Variants in NALCN observed in about 807,000 individuals in gnomAD.
NALCN encodes sodium leak channel, non-selective, also known as sodium leak channel NALCN.
NALCN carries 111 observed loss-of-function variants against 225.3 expected under a neutral mutation model. That is an observed-to-expected ratio of 0.49 (90% CI 0.42 to 0.58). The LOEUF (loss-of-function observed/expected upper bound fraction) is 0.58. Among genes scored for constraint, NALCN ranks in the 20% least tolerant of loss-of-function variants. The pLI, the probability that NALCN is intolerant of heterozygous loss-of-function variation, is 0.00. For missense variants in NALCN, 1,378 were observed against 2,202.4 expected (o/e 0.63, Z 7.49); for synonymous variants, 764 against 769.0 (o/e 0.99, Z 0.11).
At chr13:101,314,704 A>G (rs1395851998) in intron 7 of NALCN, among the ~76,000 whole-genome samples, 1 of 152,238 alleles carries the variant, frequency 6.6e-6, no homozygotes, top group Non-Finnish European at 1.5e-5. Context: ...AATGCAAATT[A>G]TACTGAACAA....
At chr13:101,393,989 T>G (rs2047214856) in intron 3 of NALCN, among the ~76,000 whole-genome samples, 1 of 152,206 alleles carries the variant, frequency 6.6e-6, no homozygotes, top group South Asian at 2.1e-4. Context: ...ATATGTAAAA[T>G]ATTATTATAT....
chr13:101,167,418 A>G (rs2038491088), intron 15 of NALCN, among the ~76,000 whole-genome samples: 1 of 152,218 alleles, frequency 6.6e-6, no homozygotes, highest in East Asian at 1.9e-4. Context: ...AGTTGAAAAT[A>G]CTGTAAAAGT....
In NALCN at chr13:101,303,380, C is replaced by T. The variant is rs370505215; in HGVS notation, c.800-11014G>A. 2.4e-4 allele frequency among the ~76,000 whole-genome samples: 36 copies of T among 152,088 alleles called. 1 individual carries two copies. The highest frequency in any genetic ancestry group is 7.2e-4 in the African/African-American group (30 of 41,480). On this transcript the variant is annotated intron_variant, in intron 7 of 43. Transcript: ENST00000251127. ...CACTAACAGCACAGGATGAAAAGGCCGTCATTAGCACAGAGAGAGGCTGAA... is the reference window on the plus strand; with the variant it reads ...CACTAACAGCACAGGATGAAAAGGCTGTCATTAGCACAGAGAGAGGCTGAA...
At chr13:101,293,442 AATAAAT>A (rs2043622489) in intron 7 of NALCN, among the ~76,000 whole-genome samples, 1 of 152,220 alleles carries the variant, frequency 6.6e-6, no homozygotes, top group African/African-American at 2.4e-5. Context: ...TTGTTTATAA[AATAAAT>A]ATAAGTTGTT....
chr13:101,166,976 T>A (rs1043325670), intron 15 of NALCN, among the ~76,000 whole-genome samples: 1 of 152,208 alleles, frequency 6.6e-6, no homozygotes, highest in Non-Finnish European at 1.5e-5. Context: ...GAGACTGTCC[T>A]TTCCCCATAG....
intron 7 of NALCN, among the ~76,000 whole-genome samples, chr13:101,294,904 G>A (rs994570800): frequency 2.6e-5 from 4 of 152,136 alleles, no homozygotes; most frequent in African/African-American, 9.7e-5. Flanking sequence ...AGTAACAGTT[G>A]CAGCAAAAGC....
intron 7 of NALCN, among the ~76,000 whole-genome samples, chr13:101,300,329 T>C (rs1275940745): frequency 1.3e-5 from 2 of 151,622 alleles, no homozygotes; most frequent in Non-Finnish European, 2.9e-5. Context: ...CTTCTTTTCC[T>C]TCCTTCCTTC....
chr13:101,067,873 A>G, intron 39 of NALCN, 45 bp downstream of exon 39: 1 of 1,289,100 alleles, frequency 7.8e-7, no homozygotes, highest in Non-Finnish European at 1.1e-6. Context: ...ACATGTTGAT[A>G]AGTCTCTTTG....
At chr13:101,123,455 G>A (rs1440045916) in intron 18 of NALCN, among the ~76,000 whole-genome samples, 2 of 152,214 alleles carry the variant, frequency 1.3e-5, no homozygotes, top group Non-Finnish European at 2.9e-5. Context: ...CAGCCTCACT[G>A]CATGATCTGA....
At chr13:101,413,195 T>A (rs2047838155) in intron 1 of NALCN, among the ~76,000 whole-genome samples, 1 of 152,186 alleles carries the variant, frequency 6.6e-6, no homozygotes, top group Non-Finnish European at 1.5e-5. Context: ...AGACATACAA[T>A]ATATCTCTAT....
intron 13 of NALCN, among the ~76,000 whole-genome samples, chr13:101,215,854 G>A (rs760748888): frequency 1.3e-5 from 2 of 152,034 alleles, no homozygotes; most frequent in Non-Finnish European, 2.9e-5. Context: ...GCCAACAGAA[G>A]ACCCTTTCTT....
At chr13:101,352,123 C>G (rs752677248) in intron 6 of NALCN, among the ~76,000 whole-genome samples, 9 of 152,004 alleles carry the variant, frequency 5.9e-5, no homozygotes, top group Non-Finnish European at 1.3e-4. Context: ...ACACAGCATG[C>G]TAGGAATGGA....
At chr13:101,287,968 T>C (rs989472111) in intron 9 of NALCN, among the ~76,000 whole-genome samples, 4 of 152,202 alleles carry the variant, frequency 2.6e-5, no homozygotes, top group Non-Finnish European at 5.9e-5. Context: ...CACATCCACA[T>C]ACACAGTAAT....
intron 1 of NALCN, among the ~76,000 whole-genome samples, chr13:101,405,850 C>A (rs529188280): frequency 6.6e-6 from 1 of 152,312 alleles, no homozygotes; most frequent in South Asian, 2.1e-4. Context: ...CTTGCACACA[C>A]ACATATACCC....
At chr13:101,221,716 C>T (rs2040948674) in intron 13 of NALCN, among the ~76,000 whole-genome samples, 2 of 152,116 alleles carry the variant, frequency 1.3e-5, no homozygotes, top group Non-Finnish European at 1.5e-5. Flanking sequence ...TACCTGGTGT[C>T]CAAAAGGAAG....
intron 14 of NALCN, among the ~76,000 whole-genome samples, chr13:101,178,377 CCT>C (rs1444341567): frequency 1.3e-5 from 2 of 152,170 alleles, no homozygotes; most frequent in Admixed American, 6.5e-5. Context: ...CGGAAGGGAT[CCT>C]GTTCGCCTCC....
At chr13:101,193,102 CTT>C (rs5806199) in intron 13 of NALCN, among the ~76,000 whole-genome samples, 1,479 of 142,244 alleles carry the variant, frequency 0.01, 13 homozygotes, top group Non-Finnish European at 0.016. Flanking sequence ...CTGATTCCTT[CTT>C]TTTTTTTTTT....
At chr13:101,167,353 T>C (rs1055971679) in intron 15 of NALCN, among the ~76,000 whole-genome samples, 4 of 152,362 alleles carry the variant, frequency 2.6e-5, no homozygotes, top group Admixed American at 6.5e-5. Context: ...ACACAGAATG[T>C]CTTTTCACTT....
intron 6 of NALCN, among the ~76,000 whole-genome samples, chr13:101,356,754 A>AT (rs2046074632): frequency 1.3e-5 from 2 of 152,210 alleles, no homozygotes; most frequent in African/African-American, 4.8e-5. Context: ...ACTTCAGGCC[A>AT]ATATCCCTGA....
Sources: gnomAD v4.1 joint callset for allele counts (sites outside exome capture counted in the v4.1 genomes callset) on GRCh38, gnomAD v4.1.1 for gene constraint, MANE v1.5 for transcripts, NCBI Gene and HGNC (gene_info 2026-07-23, HGNC 2026-07-21) for gene names.